GRXCR1: variants seen among roughly 807,000 people sequenced by gnomAD.
The protein encoded by GRXCR1 is glutaredoxin domain-containing cysteine-rich protein 1.
GRXCR1 carries 27 observed loss-of-function variants against 27.3 expected under a neutral mutation model. The observed-to-expected ratio is 0.99, with a 90% CI of 0.73 to 1.37. The LOEUF (loss-of-function observed/expected upper bound fraction) is 1.37, where lower values mean the gene tolerates loss of function less well. Among genes scored for constraint, GRXCR1 ranks in the 40% most tolerant of loss-of-function variants. GRXCR1 has a pLI of 0.00. For missense variants in GRXCR1, 379 were observed against 354.4 expected (o/e 1.07, Z -0.56); for synonymous variants, 122 against 131.1 (o/e 0.93, Z 0.47).
intron 2 of GRXCR1, among the ~76,000 whole-genome samples, chr4:43,009,641 A>G (rs973908239): frequency 6.6e-6 from 1 of 152,102 alleles, no homozygotes; most frequent in Admixed American, 6.6e-5. Flanking sequence ...ATAGATGGCC[A>G]TCTTTTTCCT....
At chr4:42,948,764 G>A (rs1373032936) in intron 1 of GRXCR1, among the ~76,000 whole-genome samples, 1 of 152,058 alleles carries the variant, frequency 6.6e-6, no homozygotes, top group Non-Finnish European at 1.5e-5. Flanking sequence ...TAATAACATG[G>A]GTCCTTATAA....
At position 42,974,799 on chromosome 4, in the gene GRXCR1, G is replaced by A. The variant is rs140414178; in HGVS notation, c.627+11665G>A. Among the ~76,000 whole-genome samples the A allele has an allele frequency of 1.8e-3, 278 of 152,186 alleles. 1 individual carries two copies. The highest frequency in any genetic ancestry group is 6.6e-3 in the African/African-American group (273 of 41,534). Reference sequence around the variant, plus strand: ...TTGGGGCTGTGGCATAAACACATTAGTGTTCCTGTCCATTGGCTTAGCATA... The same window carrying A: ...TTGGGGCTGTGGCATAAACACATTAATGTTCCTGTCCATTGGCTTAGCATA... On this transcript the variant is annotated intron_variant, in intron 2 of 3. Coordinates refer to ENST00000399770, the MANE Select transcript of GRXCR1 (RefSeq NM_001080476.3).
intron 2 of GRXCR1, among the ~76,000 whole-genome samples, chr4:42,979,163 C>A (rs1179398869): frequency 2.0e-5 from 3 of 151,916 alleles, no homozygotes; most frequent in Non-Finnish European, 4.4e-5. Context: ...GATTTGAATG[C>A]TTTTTATTTA....
At chr4:42,931,675 A>C (rs917641606) in intron 1 of GRXCR1, among the ~76,000 whole-genome samples, 4 of 151,924 alleles carry the variant, frequency 2.6e-5, no homozygotes, top group Admixed American at 2.6e-4. Flanking sequence ...TGAAGTGGCT[A>C]AATTGAGCCA....
intron 2 of GRXCR1, among the ~76,000 whole-genome samples, chr4:42,987,217 ATATATTATATATT>A (rs1711760667): frequency 1.5e-4 from 4 of 25,990 alleles, no homozygotes; most frequent in African/African-American, 6.3e-4. Flanking sequence ...TATATTATAT[ATATATTATATATT>A]ATATATATAT....
intron 2 of GRXCR1, among the ~76,000 whole-genome samples, chr4:43,002,457 C>T (rs960571539): frequency 1.1e-4 from 16 of 150,338 alleles, no homozygotes; most frequent in Non-Finnish European, 1.9e-4. Context: ...TCCCTTAAAC[C>T]TTGATTTTAT....
At chr4:43,001,913 T>C (rs1560683121) in intron 2 of GRXCR1, among the ~76,000 whole-genome samples, 1 of 152,186 alleles carries the variant, frequency 6.6e-6, no homozygotes. Context: ...AAATAATCTA[T>C]GTCATACTTA....
Position 42,962,403 on chromosome 4 carries a change from C to T in GRXCR1, c.385-489C>T, listed in dbSNP as rs187740733. ...TGCTACTTAAAACTTAGAAAAATCC[C>T]ATGATAATAGGTCTTGTTATTCCCA... On this transcript the variant is annotated intron_variant, in intron 1 of 3. Coordinates refer to ENST00000399770, the MANE Select transcript of GRXCR1 (RefSeq NM_001080476.3). Among the ~76,000 whole-genome samples the T allele has an allele frequency of 2.6e-5, 4 of 152,030 alleles. No individual in the cohort carries two copies. In the East Asian group the frequency reaches 7.8e-4, roughly 29 times the overall value.
At chr4:42,936,168 T>C (rs149613919) in intron 1 of GRXCR1, among the ~76,000 whole-genome samples, 2 of 152,006 alleles carry the variant, frequency 1.3e-5, no homozygotes, top group African/African-American at 4.8e-5. Context: ...TGTCAAATAA[T>C]ATAAATATTA....
intron 1 of GRXCR1, among the ~76,000 whole-genome samples, chr4:42,932,618 A>ATATATG (rs1560654355): frequency 2.9e-5 from 1 of 34,468 alleles, no homozygotes; most frequent in African/African-American, 1.0e-4. Flanking sequence ...ATATATATAT[A>ATATATG]TAGAGAGAGA....
chr4:43,018,106 T>C (rs1712984640), intron 2 of GRXCR1, among the ~76,000 whole-genome samples: 1 of 152,186 alleles, frequency 6.6e-6, no homozygotes, highest in African/African-American at 2.4e-5. Context: ...AGGATCTTGC[T>C]GTTAGGCTTG....
chr4:42,900,324 G>T (rs918043210), intron 1 of GRXCR1, among the ~76,000 whole-genome samples: 2 of 152,058 alleles, frequency 1.3e-5, no homozygotes, highest in African/African-American at 4.8e-5. Flanking sequence ...AGACATCTTT[G>T]CTCAATTTTA....
intron 2 of GRXCR1, among the ~76,000 whole-genome samples, chr4:43,008,923 A>G (rs1395809491): frequency 2.0e-5 from 3 of 152,256 alleles, no homozygotes; most frequent in Non-Finnish European, 4.4e-5. Flanking sequence ...TTAAATTATT[A>G]GAGCTTTCTC....
chr4:42,950,701 A>G (rs966000271), intron 1 of GRXCR1, among the ~76,000 whole-genome samples: 1 of 152,158 alleles, frequency 6.6e-6, no homozygotes, highest in Non-Finnish European at 1.5e-5. Context: ...TTTTACATAT[A>G]ATCCTACAAC....
chr4:42,939,487 T>A (rs1463659819), intron 1 of GRXCR1, among the ~76,000 whole-genome samples: 1 of 152,028 alleles, frequency 6.6e-6, no homozygotes, highest in Non-Finnish European at 1.5e-5. Flanking sequence ...TTTGGATGAA[T>A]TTTATTTCTT....
chr4:42,946,011 T>C (rs1468095066), intron 1 of GRXCR1, among the ~76,000 whole-genome samples: 1 of 152,194 alleles, frequency 6.6e-6, no homozygotes, highest in Non-Finnish European at 1.5e-5. Context: ...GTGATTTGTT[T>C]GAATATATCA....
chr4:42,944,410 A>T (rs1189762530), intron 1 of GRXCR1, among the ~76,000 whole-genome samples: 2 of 152,118 alleles, frequency 1.3e-5, no homozygotes, highest in African/African-American at 4.8e-5. Context: ...ATGAATCTTC[A>T]TGGGAGGAAA....
chr4:42,895,950 AG>A (rs1206897533), intron 1 of GRXCR1, among the ~76,000 whole-genome samples: 10 of 152,162 alleles, frequency 6.6e-5, no homozygotes, highest in Non-Finnish European at 1.5e-5. Context: ...AATCTCCCTC[AG>A]GGAGGAAAAA....
In GRXCR1 at chr4:43,026,406, T is replaced by A. The variant is rs966414414; in HGVS notation, c.694-3955T>A. On this transcript the variant is annotated intron_variant, in intron 3 of 3. Coordinates refer to ENST00000399770, the MANE Select transcript of GRXCR1 (RefSeq NM_001080476.3). ...AAATAGCATAAATTGTGCTGGAAGA[T>A]GTAGCAAGAATGAGATTCCTGGGTG... 2.0e-5 allele frequency among the ~76,000 whole-genome samples: 3 copies of A among 152,060 alleles called. No homozygotes were observed. The South Asian group carries it at 6.2e-4, about 32-fold the overall frequency.
Sources: allele counts gnomAD v4.1 joint callset (sites outside exome capture counted in the v4.1 genomes callset), GRCh38; gene constraint gnomAD v4.1.1; transcripts MANE v1.5; gene names NCBI Gene and HGNC (gene_info 2026-07-23, HGNC 2026-07-21).